Variants in FHIT observed in about 807,000 individuals in gnomAD.
FHIT encodes the protein bis(5'-adenosyl)-triphosphatase.
In FHIT, 19 loss-of-function variants were observed where a neutral mutation model predicts 17.9. That is an observed-to-expected ratio of 1.06 (90% CI 0.74 to 1.56). The LOEUF is 1.56. Among genes scored for constraint, FHIT ranks in the 40% most tolerant of loss-of-function variants. The probability of loss-of-function intolerance (pLI) is 0.00; values close to 1 mark genes in which losing one functional copy is unlikely to be tolerated. For synonymous variants in FHIT, 81 were observed against 69.7 expected (o/e 1.16, Z -0.81); for missense variants, 248 against 189.2 (o/e 1.31, Z -1.82).
At chr3:60,244,564 A>T (rs1705297078) in intron 5 of FHIT, among the ~76,000 whole-genome samples, 1 of 152,072 alleles carries the variant, frequency 6.6e-6, no homozygotes, top group Non-Finnish European at 1.5e-5. Flanking sequence ...CTTCCAAATG[A>T]CACCGCCTAA....
chr3:60,538,877 A>G (rs2036081923), intron 4 of FHIT, among the ~76,000 whole-genome samples: 2 of 152,156 alleles, frequency 1.3e-5, no homozygotes, highest in South Asian at 4.1e-4. Flanking sequence ...GGACATAGGC[A>G]TGGGCAAGGA....
intron 5 of FHIT, among the ~76,000 whole-genome samples, chr3:60,095,498 TAAG>T (rs1242667398): frequency 6.6e-6 from 1 of 152,184 alleles, no homozygotes; most frequent in Admixed American, 6.5e-5. Flanking sequence ...AATAAATCCT[TAAG>T]AAATTATTTT....
intron 5 of FHIT, among the ~76,000 whole-genome samples, chr3:60,372,252 C>T (rs938232928): frequency 1.3e-5 from 2 of 152,046 alleles, no homozygotes; most frequent in African/African-American, 2.4e-5. Flanking sequence ...AATGAAGAGA[C>T]GTATTCATCT....
At chr3:60,130,860 T>A (rs1699531997) in intron 5 of FHIT, among the ~76,000 whole-genome samples, 1 of 148,250 alleles carries the variant, frequency 6.7e-6, no homozygotes, top group African/African-American at 2.5e-5. Context: ...TGTGTATACA[T>A]GTATATAGAC....
intron 3 of FHIT, among the ~76,000 whole-genome samples, chr3:60,869,586 G>A (rs540037790): frequency 5.9e-5 from 9 of 152,278 alleles, no homozygotes; most frequent in South Asian, 2.1e-4. Flanking sequence ...GATGGGGCAC[G>A]CTTGGATTCG....
chr3:60,758,041 C>T (rs1271111597), intron 4 of FHIT, among the ~76,000 whole-genome samples: 2 of 152,110 alleles, frequency 1.3e-5, no homozygotes, highest in African/African-American at 4.8e-5. Flanking sequence ...GAAACCCCAG[C>T]CAGAGATCAG....
intron 5 of FHIT, among the ~76,000 whole-genome samples, chr3:60,435,408 G>C (rs1277744863): frequency 3.3e-5 from 5 of 151,058 alleles, no homozygotes; most frequent in African/African-American, 1.2e-4. Context: ...ATGTACTATT[G>C]GGGAATTATA....
At chr3:60,147,022 C>G (rs1700272213) in intron 5 of FHIT, among the ~76,000 whole-genome samples, 1 of 152,132 alleles carries the variant, frequency 6.6e-6, no homozygotes, top group Non-Finnish European at 1.5e-5. Flanking sequence ...GACACGCAAT[C>G]CTTTATTTTC....
At chr3:59,954,396 T>C (rs538483122) in intron 7 of FHIT, among the ~76,000 whole-genome samples, 13 of 152,310 alleles carry the variant, frequency 8.5e-5, no homozygotes, top group African/African-American at 2.9e-4. Flanking sequence ...GTGCTAGTGC[T>C]TCTTGTAGAG....
intron 7 of FHIT, 43 bp from the exon 8 acceptor site, chr3:59,922,457 A>G: frequency 2.6e-6 from 4 of 1,523,550 alleles, no homozygotes; most frequent in Non-Finnish European, 3.6e-6. Flanking sequence ...TTATCTCCCC[A>G]TGTATTTTTA....
intron 4 of FHIT, among the ~76,000 whole-genome samples, chr3:60,615,294 C>A (rs1197699951): frequency 6.6e-6 from 1 of 152,160 alleles, no homozygotes; most frequent in Non-Finnish European, 1.5e-5. Context: ...TTGTCATTCA[C>A]TCTAGTGTTC....
intron 3 of FHIT, among the ~76,000 whole-genome samples, chr3:60,998,098 G>T (rs1451725623): frequency 6.6e-6 from 1 of 152,150 alleles, no homozygotes; most frequent in Non-Finnish European, 1.5e-5. Context: ...AACACCAAAT[G>T]CTGACATTTT....
chr3:61,022,850 T>C (rs2032526032), intron 3 of FHIT, among the ~76,000 whole-genome samples: 2 of 152,158 alleles, frequency 1.3e-5, no homozygotes, highest in South Asian at 4.1e-4. Context: ...GATCTCAAAA[T>C]AATAAGAGCT....
At chr3:60,982,598 G>C (rs2107558776) in intron 3 of FHIT, among the ~76,000 whole-genome samples, 1 of 152,180 alleles carries the variant, frequency 6.6e-6, no homozygotes, top group South Asian at 2.1e-4. Context: ...CTCCCCGTTT[G>C]TACAGAAAGG....
intron 8 of FHIT, among the ~76,000 whole-genome samples, chr3:59,844,034 C>T (rs569346440): frequency 9.2e-5 from 14 of 152,124 alleles, no homozygotes; most frequent in South Asian, 2.1e-4. Flanking sequence ...CTTTTGCTTC[C>T]GCTCTGGCCA....
intron 5 of FHIT, among the ~76,000 whole-genome samples, chr3:60,086,162 G>C (rs751400947): frequency 2.6e-4 from 39 of 151,992 alleles, no homozygotes; most frequent in Non-Finnish European, 4.9e-4. Context: ...AAGGGTGGGG[G>C]GATGCCAGGC....
In FHIT at chr3:60,460,520, G is replaced by A. The variant is rs907872384; in HGVS notation, c.103+76340C>T. 1.1e-4 allele frequency among the ~76,000 whole-genome samples: 17 copies of A among 151,956 alleles called. No individual in the cohort carries two copies. The South Asian group carries it at 1.9e-3, about 17-fold the overall frequency. ...TTTATATTGCATAATTCAACTAAAC[G>A]AATTTTTTAGTTTTAAAAAATCCCA... is the stretch of plus-strand genomic sequence containing the variant. On this transcript the variant is annotated intron_variant, in intron 5 of 9. Coordinates refer to ENST00000492590, the MANE Select transcript of FHIT (RefSeq NM_002012.4).
chr3:60,740,491 A>T (rs1296845920), intron 4 of FHIT, among the ~76,000 whole-genome samples: 1 of 152,248 alleles, frequency 6.6e-6, no homozygotes, highest in South Asian at 2.1e-4. Context: ...TAGCATTGTT[A>T]TATTGATATT....
At position 60,861,023 on chromosome 3, in the gene FHIT, C is replaced by T. The variant is rs548054818; in HGVS notation, c.-110-39012G>A. Among the ~76,000 whole-genome samples, 4 of 97,434 alleles carry T rather than the reference C, an allele frequency of 4.1e-5. No individual in the cohort carries two copies. In the East Asian group the frequency reaches 7.5e-4, roughly 18 times the overall value. 63.9% of individuals were successfully genotyped at this position (97,434 alleles called of 152,430 possible). On this transcript the variant is annotated intron_variant, in intron 3 of 9. Coordinates refer to ENST00000492590, the MANE Select transcript of FHIT (RefSeq NM_002012.4). Reference sequence around the variant, plus strand: ...TATCCATATATATGATACATATATACGTATATCATGTATATATGACGTACG... The same window carrying T: ...TATCCATATATATGATACATATATATGTATATCATGTATATATGACGTACG...
Sources: gnomAD v4.1 joint callset for allele counts (sites outside exome capture counted in the v4.1 genomes callset) on GRCh38, gnomAD v4.1.1 for gene constraint, MANE v1.5 for transcripts, NCBI Gene and HGNC (gene_info 2026-07-23, HGNC 2026-07-21) for gene names.